The following RHPN2 variants were observed in gnomAD, a reference collection of about 807,000 sequenced individuals.
The protein encoded by RHPN2 is rhophilin Rho GTPase binding protein 2.
A neutral mutation model predicts 79.0 loss-of-function variants in RHPN2; 40 were observed. That is an observed-to-expected ratio of 0.51 (90% confidence interval 0.39 to 0.66). RHPN2 has a LOEUF of 0.66. Among genes scored for constraint, RHPN2 ranks in the 30% least tolerant of loss-of-function variants. RHPN2 has a pLI of 0.00. For synonymous variants in RHPN2, 285 were observed against 363.5 expected, an observed-to-expected ratio of 0.78 and a Z score of 2.46; for missense variants, 686 against 883.5, an observed-to-expected ratio of 0.78 and a Z score of 2.83.
rs200572135 is a variant in RHPN2, at chr19:33,004,598, C to CTATT, written c.761-1602_761-1599dup. Among the ~76,000 whole-genome samples the CTATT allele has an allele frequency of 6.1e-4, 92 of 151,696 alleles. No homozygotes were observed. In the East Asian group the frequency reaches 0.016, roughly 26 times the overall value. ...TAAGTTATATATGTATATTTTAACACTATTTATTTATTTATTTATAAATAA... is the reference window on the plus strand; with the variant it reads ...TAAGTTATATATGTATATTTTAACACTATTTATTTATTTATTTATTTATAAATAA... On this transcript the variant is annotated intron_variant, in intron 7 of 14. Transcript: ENST00000254260.
At chr19:33,007,829 C>G (rs1192531071) in intron 7 of RHPN2, among the ~76,000 whole-genome samples, 185 bp downstream of exon 7, 1 of 151,264 alleles carries the variant, frequency 6.6e-6, no homozygotes, top group Non-Finnish European at 1.5e-5. Flanking sequence ...TCCCGAAGTG[C>G]TGGGATTACA....
Position 32,996,172 on chromosome 19 carries a change from C to T in RHPN2, c.1274G>A (p.Arg425Gln), listed in dbSNP as rs774798877. 6.8e-6 allele frequency: 11 copies of T among 1,614,130 alleles called. No homozygotes were observed. In the East Asian group the frequency reaches 1.1e-4, roughly 16 times the overall value. The change falls in exon 11 of 15, where the codon CGG becomes CAG. Residue 425 changes from arginine to glutamine, a missense_variant. Coordinates refer to ENST00000254260, the MANE Select transcript of RHPN2 (RefSeq NM_033103.5). The stretch of plus-strand genomic sequence containing the variant: ...CAGCTTCTTGCAGAGGCTGGCCTCC[C>T]GCACCGACTCCTCGTGATGAGCCAT... Reference protein sequence around the residue: ...RAMAHHEESVREASLCKKLRS... With the variant: ...RAMAHHEESVQEASLCKKLRS...
intron 6 of RHPN2, among the ~76,000 whole-genome samples, chr19:33,010,906 C>T (rs1971830355): frequency 6.6e-6 from 1 of 151,944 alleles, no homozygotes; most frequent in Non-Finnish European, 1.5e-5. Flanking sequence ...TGGTCTCAAA[C>T]TCCTGGGCTC....
At chr19:33,011,950 G>C in intron 5 of RHPN2, 147 bp from the exon 6 acceptor site, 6 of 1,043,048 alleles carry the variant, frequency 5.8e-6, no homozygotes, top group Non-Finnish European at 7.2e-6. Flanking sequence ...AACTCTGGGA[G>C]GGGTGGAAAG....
intron 1 of RHPN2, among the ~76,000 whole-genome samples, chr19:33,062,944 G>A (rs1972294116): frequency 6.6e-6 from 1 of 152,108 alleles, no homozygotes; most frequent in Non-Finnish European, 1.5e-5. Context: ...TGGGAGGCTT[G>A]GGACCACCCC....
intron 7 of RHPN2, 101 bp from the exon 8 acceptor site, chr19:33,003,101 A>C (rs1007856554): frequency 1.9e-6 from 2 of 1,062,528 alleles, no homozygotes; most frequent in African/African-American, 1.6e-5. Flanking sequence ...GCTCATGCCC[A>C]TAATCCCAAC....
intron 2 of RHPN2, among the ~76,000 whole-genome samples, chr19:33,039,930 C>G (rs1254189893): frequency 6.6e-6 from 1 of 151,680 alleles, no homozygotes; most frequent in Non-Finnish European, 1.5e-5. Context: ...GAAGATACAG[C>G]AACTCTGGCC....
intron 1 of RHPN2, among the ~76,000 whole-genome samples, chr19:33,048,868 CTG>C: frequency 6.6e-6 from 1 of 152,156 alleles, no homozygotes; most frequent in East Asian, 1.9e-4. Context: ...ATCACCACTG[CTG>C]TGTTTCATTT....
At chr19:33,017,188 G>A (rs1024008187) in intron 4 of RHPN2, among the ~76,000 whole-genome samples, 1 of 152,098 alleles carries the variant, frequency 6.6e-6, no homozygotes, top group Non-Finnish European at 1.5e-5. Flanking sequence ...AGACCAGCCT[G>A]GCCAACATGG....
At chr19:33,011,087 G>A (rs1243372028) in intron 6 of RHPN2, among the ~76,000 whole-genome samples, 1 of 152,130 alleles carries the variant, frequency 6.6e-6, no homozygotes, top group Non-Finnish European at 1.5e-5. Context: ...TTGTGGAGAA[G>A]AATCAAATGC....
At position 32,986,518 on chromosome 19, in the gene RHPN2, G is replaced by A. The variant is rs1439617675; in HGVS notation, c.1800+3996C>T. On this transcript the variant is annotated intron_variant, in intron 14 of 14. Transcript: ENST00000254260. Reference sequence around the variant, plus strand: ...CTTCTTTTAAAATTTGAAGTATGTCGGGTGAGGTGGCTCACGCCTGTAATC... The same window carrying A: ...CTTCTTTTAAAATTTGAAGTATGTCAGGTGAGGTGGCTCACGCCTGTAATC... Among the ~76,000 whole-genome samples, 8 of 152,094 alleles carry A rather than the reference G, an allele frequency of 5.3e-5. No individual in the cohort carries two copies. In the South Asian group the frequency reaches 8.3e-4, roughly 16 times the overall value.
In RHPN2 at chr19:32,996,139, A is replaced by G. The variant is rs1200277520; in HGVS notation, c.1307T>C (p.Ile436Thr). Residue 436 changes from isoleucine to threonine, a missense_variant, in exon 11 of 15, where the codon ATT becomes ACT. Ile to Thr is a moderately conservative substitution (Grantham distance 89). Coordinates refer to ENST00000254260, the MANE Select transcript of RHPN2 (RefSeq NM_033103.5). The part of the protein sequence containing the change: ...EASLCKKLRS[I>T]EVLQKVLCAA... ...ACACAGCACCTTCTGTAGCACCTCA[A>G]TGCTCCGCAGCTTCTTGCAGAGGCT... is the stretch of plus-strand genomic sequence containing the variant. 7 of 1,614,006 alleles carry G rather than the reference A, an allele frequency of 4.3e-6. No homozygotes were observed. Among genetic ancestry groups the G allele is most frequent in the Admixed American group, 1.7e-5 (1 of 59,994 alleles).
At chr19:33,026,400 C>T (rs1313682023) in intron 3 of RHPN2, 104 bp downstream of exon 3, 23 of 1,471,626 alleles carry the variant, frequency 1.6e-5, no homozygotes, top group Non-Finnish European at 2.1e-5. Context: ...TGGGGGCTGC[C>T]ACACCCCAGT....
chr19:33,046,033 C>T lies in RHPN2; in HGVS notation c.70-1669G>A, dbSNP rs1400019751. On this transcript the variant is annotated intron_variant, in intron 1 of 14. Coordinates refer to ENST00000254260, the MANE Select transcript of RHPN2 (RefSeq NM_033103.5). ...TTGTAGCATGTATCAGAACTTTGTC[C>T]GTTTTTGTCCCTGAATAAGATTTCA... Among the ~76,000 whole-genome samples, 3 of 152,108 alleles carry T rather than the reference C, an allele frequency of 2.0e-5. No individual in the cohort carries two copies. The East Asian group carries it at 5.8e-4, about 29-fold the overall frequency.
At chr19:33,025,396 C>A (rs1342516884) in intron 3 of RHPN2, among the ~76,000 whole-genome samples, 1 of 151,096 alleles carries the variant, frequency 6.6e-6, no homozygotes, top group Non-Finnish European at 1.5e-5. Context: ...GCACAAGAAT[C>A]GCTTGAACCC....
intron 1 of RHPN2, among the ~76,000 whole-genome samples, chr19:33,056,178 T>C (rs1972231688): frequency 6.7e-6 from 1 of 148,700 alleles, no homozygotes; most frequent in South Asian, 2.1e-4. Flanking sequence ...AATGGCGTGA[T>C]CTCAGCTCAC....
At chr19:33,011,254 T>C (rs559880488) in intron 6 of RHPN2, among the ~76,000 whole-genome samples, 1 of 152,190 alleles carries the variant, frequency 6.6e-6, no homozygotes, top group East Asian at 1.9e-4. Context: ...AGAAACCTGA[T>C]CTATTTCTGT....
rs193271085 is a variant in RHPN2, at chr19:32,979,958, G to A, written c.*38C>T. ...AAACGTTTAAGGCCGAGTCAGCACCGGAAATGTTCAGGGCCTGAACATGTT... is the reference window on the plus strand; with the variant it reads ...AAACGTTTAAGGCCGAGTCAGCACCAGAAATGTTCAGGGCCTGAACATGTT... On this transcript the variant is annotated 3_prime_UTR_variant, in exon 15 of 15. Transcript: ENST00000254260. 4.1e-4 allele frequency: 655 copies of A among 1,611,858 alleles called. 4 individuals are homozygous for A. In the African/African-American group the frequency reaches 6.1e-3, roughly 15 times the overall value.
intron 2 of RHPN2, among the ~76,000 whole-genome samples, chr19:33,030,479 G>A (rs1972002190): frequency 6.6e-6 from 1 of 152,160 alleles, no homozygotes; most frequent in African/African-American, 2.4e-5. Flanking sequence ...TGTAGTCCCA[G>A]CTACTCAGGA....
Sources: allele counts gnomAD v4.1 joint callset (sites outside exome capture counted in the v4.1 genomes callset), GRCh38; gene constraint gnomAD v4.1.1; transcripts MANE v1.5; gene names NCBI Gene and HGNC (gene_info 2026-07-23, HGNC 2026-07-21).